Variants in PRSS23 observed in about 807,000 individuals in gnomAD.
The protein encoded by PRSS23 is protease, serine 23.
Under a neutral mutation model 34.7 loss-of-function variants are expected in PRSS23, and 25 were observed. That is an observed-to-expected ratio of 0.72 (90% CI 0.53 to 1.01). The LOEUF (loss-of-function observed/expected upper bound fraction) is 1.01, where lower values mean the gene tolerates loss of function less well. Ranked by LOEUF, PRSS23 falls within the 50% of genes least tolerant of loss-of-function variation. The probability of loss-of-function intolerance (pLI) is 0.00; values close to 1 mark genes in which losing one functional copy is unlikely to be tolerated. For missense variants in PRSS23, 445 were observed against 475.6 expected (o/e 0.94, Z 0.60); for synonymous variants, 176 against 186.6 (o/e 0.94, Z 0.46).
chr11:86,941,619 T>C (rs1054565412), intron 2 of PRSS23, among the ~76,000 whole-genome samples: 2 of 152,236 alleles, frequency 1.3e-5, no homozygotes, highest in Non-Finnish European at 2.9e-5. Context: ...ATTTCCTAGT[T>C]TTTAAAAATC....
Position 86,810,172 on chromosome 11 carries a change from G to A in PRSS23, c.*1377G>A, listed in dbSNP as rs1948161513. 1.2e-5 allele frequency: 2 copies of A among 166,612 alleles called. No individual in the cohort carries two copies. Among genetic ancestry groups the A allele is most frequent in the African/African-American group, 4.8e-5 (2 of 41,442 alleles). 10.3% of individuals were successfully genotyped at this position (166,612 alleles called of 1,614,324 possible). A position where few individuals can be genotyped will look rare whatever the true frequency, so the allele number is the denominator to read the frequency against. On this transcript the variant is annotated 3_prime_UTR_variant, in exon 2 of 2. Coordinates refer to ENST00000280258, the MANE Select transcript of PRSS23 (RefSeq NM_007173.6). ...TATACAGAAAAGACTTGGACTTATT[G>A]TATGTTTTTATTTTATGGCTCTCGG...
At chr11:86,840,491 G>C (rs1948439315) in intron 2 of PRSS23, among the ~76,000 whole-genome samples, 1 of 152,120 alleles carries the variant, frequency 6.6e-6, no homozygotes, top group African/African-American at 2.4e-5. Context: ...CCTACAAAGA[G>C]ACTCCCACAC....
At chr11:86,929,262 C>T (rs1010610593) in intron 2 of PRSS23, among the ~76,000 whole-genome samples, 3 of 149,790 alleles carry the variant, frequency 2.0e-5, no homozygotes, top group South Asian at 2.1e-4. Flanking sequence ...GCGGAGGTTG[C>T]GGTGAGCCAA....
intron 2 of PRSS23, among the ~76,000 whole-genome samples, chr11:86,930,634 AC>A (rs1248244442): frequency 6.6e-6 from 1 of 152,150 alleles, no homozygotes; most frequent in African/African-American, 2.4e-5. Context: ...TACTAAAAAT[AC>A]AAAAATTAGC....
At chr11:86,948,546 C>T (rs1949263365) in intron 2 of PRSS23, 1 of 152,144 alleles carries the variant, frequency 6.6e-6, no homozygotes, top group South Asian at 2.1e-4. Flanking sequence ...TGTAGCATTG[C>T]TAAGGCTACT....
chr11:86,813,006 G>T (rs539745187), downstream of PRSS23, among the ~76,000 whole-genome samples: 41 of 152,116 alleles, frequency 2.7e-4, no homozygotes, highest in Non-Finnish European at 1.5e-4. Flanking sequence ...CTGGGTTCCA[G>T]CTTCTCAGTG....
At position 86,951,166 on chromosome 11, in the gene PRSS23, T is replaced by C. The variant is rs770841790; in HGVS notation, c.207-50T>C. 3.6e-5 allele frequency: 58 copies of C among 1,614,024 alleles called. No homozygotes were observed. Among genetic ancestry groups the C allele is most frequent in the Non-Finnish European group, 4.7e-5 (56 of 1,179,970 alleles). Reference sequence around the variant, plus strand: ...CTTATACCACAGTCTCACTGCCTTTTCCAGGCTTCACCCAACCATTTCCTC... The same window carrying C: ...CTTATACCACAGTCTCACTGCCTTTCCCAGGCTTCACCCAACCATTTCCTC... On this transcript the variant is annotated intron_variant, in intron 2 of 2. Transcript: ENST00000533902.
exon 3 of PRSS23, chr11:86,952,627 C>A: frequency 1.4e-6 from 1 of 711,440 alleles, no homozygotes. Flanking sequence ...TGACCTCAAA[C>A]AAGGGCGCCT....
downstream of PRSS23, among the ~76,000 whole-genome samples, chr11:86,812,807 AAAAG>A (rs1442456243): frequency 4.6e-5 from 7 of 150,838 alleles, no homozygotes; most frequent in East Asian, 3.9e-4. Flanking sequence ...AAAAAAAAGA[AAAAG>A]AAAAAGAAAA....
chr11:86,849,629 A>C (rs988521332), intron 2 of PRSS23, among the ~76,000 whole-genome samples: 1 of 152,236 alleles, frequency 6.6e-6, no homozygotes, highest in Non-Finnish European at 1.5e-5. Context: ...AAAATGTAGC[A>C]GTCCTTGCAA....
chr11:86,925,536 A>C (rs757187365), intron 2 of PRSS23, among the ~76,000 whole-genome samples: 1 of 152,208 alleles, frequency 6.6e-6, no homozygotes, highest in Non-Finnish European at 1.5e-5. Context: ...AAACATAATC[A>C]GGCATGTAGC....
chr11:86,816,989 C>T (rs1892892), intron 1 of PRSS23, among the ~76,000 whole-genome samples: 20,630 of 152,070 alleles, frequency 0.14, 1,839 homozygotes, highest in East Asian at 0.41. Context: ...TTTATAAGAC[C>T]CACTTTTGTG....
intron 2 of PRSS23, among the ~76,000 whole-genome samples, chr11:86,859,667 AGAT>A (rs1379776902): frequency 1.3e-5 from 2 of 151,936 alleles, no homozygotes; most frequent in Admixed American, 6.6e-5. Context: ...GAGGGCAAAA[AGAT>A]GATATTACTC....
chr11:86,814,859 A>G (rs759976646), downstream of PRSS23, among the ~76,000 whole-genome samples: 1 of 152,094 alleles, frequency 6.6e-6, no homozygotes, highest in Non-Finnish European at 1.5e-5. Context: ...GCCTGGACCA[A>G]TGTTTTCTGA....
chr11:86,896,347 A>G (rs2134978808), intron 2 of PRSS23: 1 of 132,520 alleles, frequency 7.5e-6, no homozygotes, highest in South Asian at 2.8e-4. Context: ...TTAATATAGC[A>G]TTGACCTTTG....
intron 2 of PRSS23, among the ~76,000 whole-genome samples, chr11:86,830,598 G>T (rs901536206): frequency 5.3e-5 from 8 of 152,198 alleles, no homozygotes; most frequent in Non-Finnish European, 1.2e-4. Context: ...CATGCTGGGA[G>T]CTGTAGACCA....
At chr11:86,890,997 C>T (rs140025121) in intron 2 of PRSS23, among the ~76,000 whole-genome samples, 9 of 152,262 alleles carry the variant, frequency 5.9e-5, no homozygotes, top group Non-Finnish European at 5.9e-5. Context: ...CCTTTTGGTT[C>T]GGTGAGATAA....
chr11:86,854,905 G>A lies in PRSS23; in HGVS notation c.206+31312G>A, dbSNP rs566534811. ...GCATGGGCCAGGTGCGGTTGCTCACGCCTGTAATCCCAGCACTTTGAGAGG... is the reference window on the plus strand; with the variant it reads ...GCATGGGCCAGGTGCGGTTGCTCACACCTGTAATCCCAGCACTTTGAGAGG... On this transcript the variant is annotated intron_variant, in intron 2 of 2. Transcript: ENST00000533902. Among the ~76,000 whole-genome samples the A allele has an allele frequency of 3.9e-5, 6 of 152,234 alleles. No individual in the cohort carries two copies. The South Asian group carries it at 6.2e-4, about 16-fold the overall frequency.
intron 2 of PRSS23, chr11:86,912,194 G>A (rs1004011959): frequency 5.3e-5 from 8 of 152,162 alleles, no homozygotes; most frequent in Admixed American, 5.2e-4. Flanking sequence ...AAAGATTATA[G>A]ACATAACCAT....
Sources: allele counts gnomAD v4.1 joint callset (sites outside exome capture counted in the v4.1 genomes callset), GRCh38; gene constraint gnomAD v4.1.1; transcripts MANE v1.5; gene names NCBI Gene and HGNC (gene_info 2026-07-23, HGNC 2026-07-21).